PCDHGA4: variants seen among roughly 807,000 people sequenced by gnomAD.
PCDHGA4 encodes the protein protocadherin gamma subfamily A, 4, also known as protocadherin gamma-A4.
PCDHGA4 carries 38 observed loss-of-function variants against 54.6 expected under a neutral mutation model. The observed-to-expected ratio is 0.70, with a 90% confidence interval of 0.54 to 0.91. PCDHGA4 has a LOEUF of 0.91. Among genes scored for constraint, PCDHGA4 ranks in the 40% least tolerant of loss-of-function variants. The pLI, the probability that PCDHGA4 is intolerant of heterozygous loss-of-function variation, is 0.00. For synonymous variants in PCDHGA4, 511 were observed against 512.9 expected, an observed-to-expected ratio of 1.00 and a Z score of 0.05; for missense variants, 1,298 against 1,220.9, an observed-to-expected ratio of 1.06 and a Z score of -0.94.
rs369354938 is a variant in PCDHGA4, at chr5:141,404,125, T to C, written c.2514+46504T>C. 7.5e-4 allele frequency: 1,204 copies of C among 1,613,214 alleles called. 1 individual carries two copies. The highest frequency in any genetic ancestry group is 8.4e-4 in the Non-Finnish European group (986 of 1,179,494). On this transcript the variant is annotated intron_variant, in intron 1 of 3. Coordinates refer to ENST00000571252, the MANE Select transcript of PCDHGA4 (RefSeq NM_018917.4). Reference sequence around the variant, plus strand: ...TCTGTTCTATCCAGGAGAATCTATCTTTTACATTAGAAAATTCAGAAGAAG... The same window carrying C: ...TCTGTTCTATCCAGGAGAATCTATCCTTTACATTAGAAAATTCAGAAGAAG...
At chr5:141,435,800 A>G (rs530461064) in intron 1 of PCDHGA4, among the ~76,000 whole-genome samples, 20 of 152,128 alleles carry the variant, frequency 1.3e-4, no homozygotes, top group Non-Finnish European at 2.6e-4. Flanking sequence ...ATAACGTCCC[A>G]ATTATTTTTT....
chr5:141,360,265 A>C, intron 1 of PCDHGA4: 1 of 1,613,874 alleles, frequency 6.2e-7, no homozygotes, highest in Non-Finnish European at 8.5e-7. Context: ...GCTGGCCAAA[A>C]ACTCGGTCGT....
intron 1 of PCDHGA4, among the ~76,000 whole-genome samples, chr5:141,451,579 A>T (rs1222576609): frequency 6.6e-6 from 1 of 152,084 alleles, no homozygotes; most frequent in African/African-American, 2.4e-5. Flanking sequence ...TTATAAACCT[A>T]ATTTTGAAAG....
chr5:141,399,469 T>G, intron 1 of PCDHGA4: 1 of 1,614,000 alleles, frequency 6.2e-7, no homozygotes. Flanking sequence ...CGCTCCGGTT[T>G]TCCACCAGGC....
chr5:141,374,444 G>A (rs1371044841), intron 1 of PCDHGA4: 1 of 1,613,848 alleles, frequency 6.2e-7, no homozygotes, highest in Non-Finnish European at 8.5e-7. Flanking sequence ...TCCCGTGGAA[G>A]TGGAAATAGT....
chr5:141,399,946 G>A (rs911365297), intron 1 of PCDHGA4: 1 of 1,612,270 alleles, frequency 6.2e-7, no homozygotes, highest in African/African-American at 1.3e-5. Context: ...CGTGCTGCAG[G>A]CTAGCGAGCC....
rs199537783 is a variant in PCDHGA4 at position 141,389,536 on chromosome 5, A to G, written c.2514+31915A>G. 177 of 1,613,198 alleles carry G rather than the reference A, an allele frequency of 1.1e-4. No individual in the cohort carries two copies. Among genetic ancestry groups the G allele is most frequent in the Middle Eastern group, 9.9e-4 (6 of 6,036 alleles). On this transcript the variant is annotated intron_variant, in intron 1 of 3. Coordinates refer to ENST00000571252, the MANE Select transcript of PCDHGA4 (RefSeq NM_018917.4). ...AACGTGAGCCTGCGCGTGTTAGTGG[A>G]CGACCGCAACGACAATGCGCCACGG...
chr5:141,425,241 AG>A (rs2096863585), intron 1 of PCDHGA4, among the ~76,000 whole-genome samples: 1 of 152,220 alleles, frequency 6.6e-6, no homozygotes, highest in Admixed American at 6.5e-5. Flanking sequence ...TTAAATAAAA[AG>A]GATATGAGGT....
At chr5:141,370,694 G>A (rs1213038173) in intron 1 of PCDHGA4, 20 of 1,613,794 alleles carry the variant, frequency 1.2e-5, no homozygotes, top group Non-Finnish European at 1.6e-5. Flanking sequence ...GCAAGAAGTC[G>A]ACGTGTGTTC....
chr5:141,403,429 T>C (rs1282528901), intron 1 of PCDHGA4: 2 of 1,614,006 alleles, frequency 1.2e-6, no homozygotes, highest in Non-Finnish European at 1.7e-6. Flanking sequence ...AAGCTATTGA[T>C]CCGGATGTTG....
chr5:141,383,913 A>G, intron 1 of PCDHGA4: 1 of 1,613,990 alleles, frequency 6.2e-7, no homozygotes, highest in Non-Finnish European at 8.5e-7. Flanking sequence ...TCACAGTTTT[A>G]GATGTAAATG....
intron 1 of PCDHGA4, among the ~76,000 whole-genome samples, chr5:141,381,826 C>CTTTTTTTTTTTTTTTTT (rs770630741): frequency 6.7e-5 from 5 of 74,282 alleles, no homozygotes; most frequent in Admixed American, 1.9e-4. Flanking sequence ...CTTTCTTCTT[C>CTTTTTTTTTTTTTTTTT]TTTTTTTTTT....
intron 1 of PCDHGA4, chr5:141,364,783 G>T (rs1763536521): frequency 6.2e-7 from 1 of 1,614,030 alleles, no homozygotes; most frequent in East Asian, 2.2e-5. Context: ...CAGGGACACG[G>T]TTAGTGCTTC....
intron 1 of PCDHGA4, chr5:141,365,983 T>C (rs954488135): frequency 1.2e-6 from 2 of 1,614,234 alleles, no homozygotes; most frequent in South Asian, 2.2e-5. Flanking sequence ...TGAGCCTGTT[T>C]GTGCTGGACC....
intron 1 of PCDHGA4, chr5:141,409,887 TGCTGTAC>T: frequency 6.2e-7 from 1 of 1,613,062 alleles, no homozygotes; most frequent in Non-Finnish European, 8.5e-7. Flanking sequence ...GCACCGCGGG[TGCTGTAC>T]CCAGCTCTGG....
rs2149794664 is a variant in PCDHGA4 at position 141,357,155 on chromosome 5, C to T, written c.2048C>T (p.Pro683Leu). 6.2e-7 allele frequency: 1 copy of T among 1,613,630 alleles called. No individual in the cohort carries two copies. The highest frequency in any genetic ancestry group is 8.5e-7 in the Non-Finnish European group (1 of 1,179,860). The change falls in exon 1 of 4, where the codon CCC (proline) becomes CTC (leucine). Residue 683 changes from proline (P) to leucine (L), a missense_variant. Physicochemically the swap from Pro to Leu is moderately conservative, Grantham distance 98. Transcript: ENST00000571252. The part of the protein sequence containing the change: ...LVVVVQDHGQ[P>L]PLSATVTLTV... ...GTGGTCGTCCAGGACCATGGCCAGC[C>T]CCCTCTCTCGGCCACCGTCACACTC...
At chr5:141,429,387 T>A (rs372199649) in intron 1 of PCDHGA4, among the ~76,000 whole-genome samples, 4,783 of 151,430 alleles carry the variant, frequency 0.032, 106 homozygotes, top group African/African-American at 0.043. Context: ...GTTTTTTTTT[T>A]AAAAAAAATT....
intron 1 of PCDHGA4, chr5:141,392,870 G>C: frequency 6.2e-7 from 1 of 1,613,226 alleles, no homozygotes; most frequent in Non-Finnish European, 8.5e-7. Context: ...TGTGCGCGCT[G>C]CTGGGAACGC....
chr5:141,455,133 C>G (rs1172825339), intron 1 of PCDHGA4, among the ~76,000 whole-genome samples: 2 of 151,392 alleles, frequency 1.3e-5, no homozygotes, highest in African/African-American at 4.9e-5. Context: ...TTAAATTACA[C>G]TGTGTTAAAT....
Sources: gnomAD v4.1 joint callset for allele counts (sites outside exome capture counted in the v4.1 genomes callset) on GRCh38, gnomAD v4.1.1 for gene constraint, MANE v1.5 for transcripts, NCBI Gene and HGNC (gene_info 2026-07-23, HGNC 2026-07-21) for gene names.